Variants in TUSC3 observed in about 807,000 individuals in gnomAD.
TUSC3 encodes dolichyl-diphosphooligosaccharide--protein glycosyltransferase subunit TUSC3.
Under a neutral mutation model 44.8 loss-of-function variants are expected in TUSC3, and 45 were observed. The ratio of observed to expected loss-of-function variants is 1.00; its 90% CI spans 0.79 to 1.29. TUSC3 has a LOEUF of 1.29. TUSC3 is among the 50% of genes most tolerant of loss of function. The pLI is 0.00. For missense variants in TUSC3, 519 were observed against 437.9 expected, an observed-to-expected ratio of 1.19 and a Z score of -1.65; for synonymous variants, 212 against 152.9, an observed-to-expected ratio of 1.39 and a Z score of -2.85.
chr8:15,789,951 G>A, the TUSC3 span, among the ~76,000 whole-genome samples: 5 of 152,116 alleles, frequency 3.3e-5, no homozygotes, highest in African/African-American at 7.2e-5. Flanking sequence ...GGTGGTGGTA[G>A]ACAGCAATGT....
intron 2 of TUSC3, among the ~76,000 whole-genome samples, chr8:15,525,858 T>G (rs1039082340): frequency 3.3e-5 from 5 of 151,920 alleles, no homozygotes; most frequent in Non-Finnish European, 7.4e-5. Context: ...TAGGCCGTAA[T>G]GGGGGAAAAA....
chr8:15,554,666 G>A (rs181368326), intron 1 of TUSC3, among the ~76,000 whole-genome samples: 1,459 of 143,318 alleles, frequency 0.01, 30 homozygotes, highest in African/African-American at 0.034. Flanking sequence ...GCAGTGGCGT[G>A]ATTTCAGCTC....
At chr8:15,466,030 C>A (rs140450463) in intron 1 of TUSC3, among the ~76,000 whole-genome samples, 2 of 152,192 alleles carry the variant, frequency 1.3e-5, no homozygotes, top group Admixed American at 1.3e-4. Flanking sequence ...AGGGAACTTC[C>A]GAATTTTTAA....
chr8:15,491,456 G>A (rs1356973542), intron 2 of TUSC3, among the ~76,000 whole-genome samples: 1 of 151,742 alleles, frequency 6.6e-6, no homozygotes, highest in African/African-American at 2.4e-5. Context: ...TTTCCTTTCA[G>A]TGTTACAAAT....
At chr8:15,561,773 G>GCTGT (rs1802475169) in intron 1 of TUSC3, 1 of 148,524 alleles carries the variant, frequency 6.7e-6, no homozygotes, top group African/African-American at 2.5e-5. Context: ...TTTTCCAGGT[G>GCTGT]CCGTCCGTCA....
Position 15,673,727 on chromosome 8 carries a change from C to T in TUSC3, c.709-20C>T, listed in dbSNP as rs747498337. ...GTATTCTCTGGTTTACATATTGAAA[C>T]ACTGCACCCTGTTTTTCAGTGTATA... On this transcript the variant is annotated intron_variant, in intron 5 of 10. Coordinates refer to ENST00000503731, the MANE Select transcript of TUSC3 (RefSeq NM_006765.4). The T allele has an allele frequency of 1.3e-6, 2 of 1,589,380 alleles. No homozygotes were observed. The highest frequency in any genetic ancestry group is 1.1e-5 in the South Asian group (1 of 90,600).
At chr8:15,547,173 A>C (rs1219298119) in intron 1 of TUSC3, among the ~76,000 whole-genome samples, 1 of 151,728 alleles carries the variant, frequency 6.6e-6, no homozygotes, top group Non-Finnish European at 1.5e-5. Context: ...GAACTCAAGT[A>C]CCTATAATGT....
At chr8:15,779,126 A>G in the TUSC3 span, among the ~76,000 whole-genome samples, 3 of 124,034 alleles carry the variant, frequency 2.4e-5, no homozygotes, top group African/African-American at 9.5e-5. Flanking sequence ...TTTCCACGTT[A>G]CTTCTAGTAA....
chr8:15,593,480 C>T (rs1803939181), intron 1 of TUSC3, among the ~76,000 whole-genome samples: 1 of 152,154 alleles, frequency 6.6e-6, no homozygotes, highest in South Asian at 2.1e-4. Flanking sequence ...TATACTTCCA[C>T]TGAGATATCC....
intron 1 of TUSC3, among the ~76,000 whole-genome samples, chr8:15,434,973 G>A: frequency 6.7e-6 from 1 of 149,110 alleles, no homozygotes; most frequent in African/African-American, 2.6e-5. Context: ...CTTTGCTGTT[G>A]TGAATAGTGC....
intron 1 of TUSC3, among the ~76,000 whole-genome samples, chr8:15,610,934 C>G (rs1426153345): frequency 6.6e-6 from 1 of 152,002 alleles, no homozygotes; most frequent in African/African-American, 2.4e-5. Flanking sequence ...TGTTACTGGA[C>G]TTATTTTTAA....
chr8:15,777,993 G>C, the TUSC3 span, among the ~76,000 whole-genome samples: 2 of 151,482 alleles, frequency 1.3e-5, no homozygotes, highest in African/African-American at 2.4e-5. Flanking sequence ...AAAACATCTT[G>C]ATTTCCCTCT....
chr8:15,846,304 G>C, the TUSC3 span, among the ~76,000 whole-genome samples: 3 of 152,070 alleles, frequency 2.0e-5, no homozygotes, highest in Non-Finnish European at 4.4e-5. Context: ...TTTTCAAAAG[G>C]CTGCCTCACT....
At chr8:15,834,437 G>A in the TUSC3 span, among the ~76,000 whole-genome samples, 1 of 152,032 alleles carries the variant, frequency 6.6e-6, no homozygotes, top group African/African-American at 2.4e-5. Flanking sequence ...CTGCCTCCGT[G>A]GGAAGGTGTC....
At chr8:15,786,899 G>A in the TUSC3 span, among the ~76,000 whole-genome samples, 9 of 142,676 alleles carry the variant, frequency 6.3e-5, no homozygotes, top group South Asian at 9.0e-4. Flanking sequence ...AGCCGAGATC[G>A]TGCCACTGCA....
At chr8:15,448,659 T>C (rs1164820610) in intron 1 of TUSC3, among the ~76,000 whole-genome samples, 2 of 152,184 alleles carry the variant, frequency 1.3e-5, no homozygotes, top group African/African-American at 4.8e-5. Context: ...ATTGGCTAAA[T>C]AAATAATGTG....
chr8:15,713,352 C>T (rs1359538925), intron 6 of TUSC3, among the ~76,000 whole-genome samples: 1 of 152,084 alleles, frequency 6.6e-6, no homozygotes, highest in East Asian at 1.9e-4. Flanking sequence ...ATTAAAATTA[C>T]ATTTTTAAAA....
chr8:15,637,392 G>T (rs1030759935), intron 2 of TUSC3, among the ~76,000 whole-genome samples: 3 of 151,918 alleles, frequency 2.0e-5, no homozygotes, highest in African/African-American at 7.3e-5. Context: ...AAACATACTG[G>T]TTTCCTGAGT....
chr8:15,658,695 CATACA>C (rs1231560017), intron 3 of TUSC3, among the ~76,000 whole-genome samples: 1 of 151,036 alleles, frequency 6.6e-6, no homozygotes, highest in Non-Finnish European at 1.5e-5. Context: ...TATATATACA[CATACA>C]ATATATATAC....
Sources: allele counts gnomAD v4.1 joint callset (sites outside exome capture counted in the v4.1 genomes callset), GRCh38; gene constraint gnomAD v4.1.1; transcripts MANE v1.5; gene names NCBI Gene and HGNC (gene_info 2026-07-23, HGNC 2026-07-21).